Variants in F5 observed in about 807,000 individuals in gnomAD.
F5 encodes activated protein c cofactor.
Under a neutral mutation model 216.4 loss-of-function variants are expected in F5, and 138 were observed. The observed-to-expected ratio is 0.64, with a 90% confidence interval of 0.56 to 0.73. The LOEUF is 0.73. F5 is among the 30% of genes least tolerant of loss of function. The probability of loss-of-function intolerance (pLI) is 0.00; values close to 1 mark genes in which losing one functional copy is unlikely to be tolerated. For missense variants in F5, 2,403 were observed against 2,674.0 expected, an observed-to-expected ratio of 0.90 and a Z score of 2.24; for synonymous variants, 916 against 930.7, an observed-to-expected ratio of 0.98 and a Z score of 0.29.
At chr1:169,555,831 CACGGATATCATGATGGTTTTATTACTTCA>C (rs1456906026) in intron 6 of F5, among the ~76,000 whole-genome samples, 30 of 151,930 alleles carry the variant, frequency 2.0e-4, no homozygotes, top group African/African-American at 6.3e-4. Context: ...CTCTATCTTC[CACGGATATCATGATGGTTTTATTACTTCA>C]AATATAATTT....
At chr1:169,574,709 G>A (rs566676839) in intron 2 of F5, among the ~76,000 whole-genome samples, 42 of 152,314 alleles carry the variant, frequency 2.8e-4, no homozygotes, top group African/African-American at 1.0e-3. Context: ...AGGACACTGA[G>A]CCTCAGAGAG....
intron 1 of F5, among the ~76,000 whole-genome samples, chr1:169,585,551 A>T (rs1328547978): frequency 6.6e-6 from 1 of 152,166 alleles, no homozygotes; most frequent in Non-Finnish European, 1.5e-5. Flanking sequence ...TCTGAATTAA[A>T]CCTCCTCTCA....
intron 13 of F5, among the ~76,000 whole-genome samples, chr1:169,539,814 C>T (rs1340486876): frequency 1.3e-5 from 2 of 152,120 alleles, no homozygotes; most frequent in African/African-American, 4.8e-5. Flanking sequence ...TGGCTTTCTA[C>T]CCCTAAGCAA....
At chr1:169,569,107 G>A (rs9332544) in intron 3 of F5, among the ~76,000 whole-genome samples, 6,374 of 152,038 alleles carry the variant, frequency 0.042, 344 homozygotes, top group South Asian at 0.16. Flanking sequence ...AACTATAGCC[G>A]TTATAGTTTG....
At chr1:169,582,351 G>T in intron 2 of F5, 80 bp downstream of exon 2, 2 of 721,790 alleles carry the variant, frequency 2.8e-6, no homozygotes, top group Non-Finnish European at 2.3e-6. Flanking sequence ...TTCAGTAAAT[G>T]GATATTTTAG....
intron 7 of F5, 41 bp from the exon 8 acceptor site, chr1:169,552,775 T>C (rs758046192): frequency 6.9e-7 from 1 of 1,452,902 alleles, no homozygotes; most frequent in Non-Finnish European, 9.6e-7. Flanking sequence ...CTTTCTCAAA[T>C]AGAGATCTCG....
intron 3 of F5, among the ~76,000 whole-genome samples, chr1:169,570,929 A>G (rs2101839226): frequency 6.6e-6 from 1 of 152,258 alleles, no homozygotes; most frequent in South Asian, 2.1e-4. Context: ...AAATAACTTC[A>G]TAAAAGTCAC....
Position 169,512,166 on chromosome 1 carries a change from T to C in F5, c.*2147A>G, listed in dbSNP as rs1363104044. 3.3e-5 allele frequency among the ~76,000 whole-genome samples: 5 copies of C among 151,954 alleles called. No individual in the cohort carries two copies. The highest frequency in any genetic ancestry group is 1.2e-4 in the African/African-American group (5 of 41,392). Reference sequence around the variant, plus strand: ...TATGGAAGAGAAAGCAGACTAAAAGTCTAGGGATATGATCATTTGGTTTCT... The same window carrying C: ...TATGGAAGAGAAAGCAGACTAAAAGCCTAGGGATATGATCATTTGGTTTCT... On this transcript the variant is annotated 3_prime_UTR_variant, in exon 25 of 25. Transcript: ENST00000367797.
intron 17 of F5, 144 bp from the exon 18 acceptor site, chr1:169,526,161 G>T: frequency 1.6e-6 from 1 of 614,458 alleles, no homozygotes; most frequent in Non-Finnish European, 2.9e-6. Context: ...AGGACTGAAA[G>T]TATAACAGAT....
At chr1:169,563,936 A>G (rs1041310404) in intron 3 of F5, among the ~76,000 whole-genome samples, 16 of 151,926 alleles carry the variant, frequency 1.1e-4, no homozygotes, top group African/African-American at 3.9e-4. Flanking sequence ...GTTTATTTTT[A>G]TTAACATTGT....
At chr1:169,539,223 A>C (rs908222367) in intron 13 of F5, among the ~76,000 whole-genome samples, 1 of 152,152 alleles carries the variant, frequency 6.6e-6, no homozygotes, top group Non-Finnish European at 1.5e-5. Flanking sequence ...TCATCAACAG[A>C]GAATCTCCTT....
chr1:169,514,721 C>T (rs1025553937), intron 24 of F5, among the ~76,000 whole-genome samples: 1 of 152,022 alleles, frequency 6.6e-6, no homozygotes, highest in Non-Finnish European at 1.5e-5. Context: ...TATCAAAGAA[C>T]ACATAGAACA....
In F5 at chr1:169,529,827, A is replaced by C. The variant is rs1229806268; in HGVS notation, c.5209-9T>G. The C allele has an allele frequency of 6.2e-7, 1 of 1,610,514 alleles. No homozygotes were observed. Among genetic ancestry groups the C allele is most frequent in the Non-Finnish European group, 8.5e-7 (1 of 1,177,256 alleles). ...GAGTGAATATCTTTTTCCTGGAAAAACAGAGTAAATTGTATTGCCTCTTTC... is the reference window on the plus strand; with the variant it reads ...GAGTGAATATCTTTTTCCTGGAAAACCAGAGTAAATTGTATTGCCTCTTTC... On this transcript the variant is annotated splice_polypyrimidine_tract_variant and intron_variant, in intron 15 of 24. Transcript: ENST00000367797.
intron 24 of F5, among the ~76,000 whole-genome samples, 178 bp from the exon 25 acceptor site, chr1:169,514,637 A>T (rs1659117671): frequency 6.6e-6 from 1 of 152,002 alleles, no homozygotes; most frequent in African/African-American, 2.4e-5. Flanking sequence ...AGCCTTCCAA[A>T]GTGCTGGCAT....
chr1:169,578,478 C>T (rs752386498), intron 2 of F5, among the ~76,000 whole-genome samples: 8 of 152,260 alleles, frequency 5.3e-5, no homozygotes, highest in South Asian at 2.1e-4. Flanking sequence ...TAGTCCTTTC[C>T]GTCTCTTATG....
intron 7 of F5, 109 bp downstream of exon 7, chr1:169,555,073 T>A: frequency 4.9e-6 from 6 of 1,228,170 alleles, no homozygotes; most frequent in Non-Finnish European, 7.2e-6. Context: ...TAGAAACCAA[T>A]ACATGTGTCC....
chr1:169,552,442 A>T, intron 8 of F5, 115 bp downstream of exon 8: 1 of 867,344 alleles, frequency 1.2e-6, no homozygotes, highest in Non-Finnish European at 1.8e-6. Flanking sequence ...TAAAAGTTGC[A>T]TTTGAATTTA....
chr1:169,528,157 G>A, intron 16 of F5, 63 bp from the exon 17 acceptor site: 1 of 1,590,248 alleles, frequency 6.3e-7, no homozygotes, highest in Non-Finnish European at 8.6e-7. Context: ...CGAGTGGTAA[G>A]GAAATATGGG....
intron 8 of F5, 94 bp from the exon 9 acceptor site, chr1:169,550,833 G>GT (rs769683372): frequency 2.9e-5 from 27 of 923,502 alleles, no homozygotes; most frequent in Non-Finnish European, 4.0e-5. Flanking sequence ...TTTGGATGGT[G>GT]TGTGTGTATA....
Sources: gnomAD v4.1 joint callset for allele counts (sites outside exome capture counted in the v4.1 genomes callset) on GRCh38, gnomAD v4.1.1 for gene constraint, MANE v1.5 for transcripts, NCBI Gene and HGNC (gene_info 2026-07-23, HGNC 2026-07-21) for gene names.